Variants in ADAMTS6 observed in about 807,000 individuals in gnomAD.
ADAMTS6 encodes A disintegrin and metalloproteinase with thrombospondin motifs 6.
Under a neutral mutation model 144.3 loss-of-function variants are expected in ADAMTS6, and 23 were observed. The observed-to-expected ratio is 0.16, with a 90% confidence interval of 0.11 to 0.23. The LOEUF is 0.23. Among genes scored for constraint, ADAMTS6 ranks in the 10% least tolerant of loss-of-function variants. The pLI is 1.00. For synonymous variants in ADAMTS6, 444 were observed against 457.5 expected (o/e 0.97, Z 0.38); for missense variants, 999 against 1,379.6 (o/e 0.72, Z 4.37).
chr5:65,468,436 C>CAAAAAAAAAAAAAAAAAAAATAAA (rs60362335), intron 3 of ADAMTS6, among the ~76,000 whole-genome samples: 1 of 70,368 alleles, frequency 1.4e-5, no homozygotes, highest in African/African-American at 5.2e-5. Context: ...GACCCTGTCT[C>CAAAAAAAAAAAAAAAAAAAATAAA]AAAAAAAAAA....
intron 11 of ADAMTS6, among the ~76,000 whole-genome samples, chr5:65,287,379 T>A (rs1045015714): frequency 8.5e-5 from 13 of 152,186 alleles, no homozygotes; most frequent in African/African-American, 3.1e-4. Context: ...ATCTGCTACC[T>A]GTGTTTCATT....
intron 15 of ADAMTS6, among the ~76,000 whole-genome samples, chr5:65,234,331 C>A (rs1246198810): frequency 2.0e-5 from 3 of 148,858 alleles, no homozygotes; most frequent in African/African-American, 7.4e-5. Context: ...AAACAATCAA[C>A]AAAATGAAAA....
chr5:65,450,724 G>A (rs1371602085), intron 7 of ADAMTS6, among the ~76,000 whole-genome samples: 5 of 152,206 alleles, frequency 3.3e-5, no homozygotes, highest in Admixed American at 3.3e-4. Flanking sequence ...ACCAGAATCT[G>A]AGCCCTATTC....
chr5:65,245,873 T>C (rs1189758573), intron 14 of ADAMTS6, among the ~76,000 whole-genome samples: 1 of 152,088 alleles, frequency 6.6e-6, no homozygotes, highest in East Asian at 1.9e-4. Context: ...AGTTAACCAA[T>C]AAGATTTGGC....
chr5:65,187,897 T>G (rs1561261399), intron 22 of ADAMTS6, 119 bp downstream of exon 22: 1 of 1,014,562 alleles, frequency 9.9e-7, no homozygotes, highest in Non-Finnish European at 1.4e-6. Context: ...ACATGGTCAC[T>G]GTTACACAGC....
At chr5:65,395,306 C>A (rs111792241) in intron 7 of ADAMTS6, among the ~76,000 whole-genome samples, 3,022 of 152,272 alleles carry the variant, frequency 0.02, 91 homozygotes, top group African/African-American at 0.069. Context: ...ATCCCAAGGA[C>A]TAGTCTCAGG....
At chr5:65,157,506 AC>A (rs1295751744) in intron 24 of ADAMTS6, among the ~76,000 whole-genome samples, 1 of 152,162 alleles carries the variant, frequency 6.6e-6, no homozygotes, top group African/African-American at 2.4e-5. Context: ...ACCCTTCATG[AC>A]CAGGTTGGAC....
intron 7 of ADAMTS6, among the ~76,000 whole-genome samples, chr5:65,345,694 T>G (rs529147387): frequency 2.6e-5 from 4 of 151,958 alleles, no homozygotes; most frequent in African/African-American, 9.6e-5. Flanking sequence ...TACAATTTAT[T>G]AGACTGAACT....
At chr5:65,230,946 A>G (rs939960843) in intron 15 of ADAMTS6, among the ~76,000 whole-genome samples, 1 of 148,776 alleles carries the variant, frequency 6.7e-6, no homozygotes, top group Non-Finnish European at 1.5e-5. Context: ...TCAAATTACA[A>G]AGGAAGACAG....
chr5:65,201,115 G>T (rs1755709859), intron 20 of ADAMTS6, among the ~76,000 whole-genome samples: 1 of 152,138 alleles, frequency 6.6e-6, no homozygotes, highest in African/African-American at 2.4e-5. Flanking sequence ...TTTTTATACA[G>T]TATGTACCAA....
intron 22 of ADAMTS6, among the ~76,000 whole-genome samples, chr5:65,180,036 T>C (rs531831468): frequency 6.6e-6 from 1 of 152,162 alleles, no homozygotes; most frequent in African/African-American, 2.4e-5. Context: ...ATATATGCTC[T>C]TCTTTATCTG....
chr5:65,317,769 CA>C (rs1745154221), intron 9 of ADAMTS6, among the ~76,000 whole-genome samples: 1 of 152,060 alleles, frequency 6.6e-6, no homozygotes, highest in South Asian at 2.1e-4. Context: ...AGACATTTCT[CA>C]AAAGAAGATA....
chr5:65,261,226 A>C (rs989762469), intron 13 of ADAMTS6, among the ~76,000 whole-genome samples: 1 of 152,196 alleles, frequency 6.6e-6, no homozygotes, highest in African/African-American at 2.4e-5. Context: ...TCTAAAAATC[A>C]GATGGCTTTG....
intron 7 of ADAMTS6, among the ~76,000 whole-genome samples, chr5:65,384,781 A>G (rs913944578): frequency 9.2e-5 from 14 of 152,196 alleles, no homozygotes; most frequent in African/African-American, 3.4e-4. Context: ...GTTATACGGC[A>G]ACACCCCACT....
At chr5:65,261,043 T>C (rs1451392634) in intron 13 of ADAMTS6, among the ~76,000 whole-genome samples, 1 of 152,132 alleles carries the variant, frequency 6.6e-6, no homozygotes, top group Non-Finnish European at 1.5e-5. Context: ...ACAAAATCCA[T>C]AATCTGATGC....
intron 3 of ADAMTS6, among the ~76,000 whole-genome samples, chr5:65,469,860 T>A (rs767161593): frequency 2.6e-5 from 4 of 152,190 alleles, no homozygotes; most frequent in African/African-American, 4.8e-5. Flanking sequence ...CTGAAAATGT[T>A]CCTTGAGCAT....
In ADAMTS6 at chr5:65,236,004, T is replaced by C. The variant is rs1267716986; in HGVS notation, c.1933+6100A>G. On this transcript the variant is annotated intron_variant, in intron 15 of 24. Transcript: ENST00000381055. The stretch of plus-strand genomic sequence containing the variant: ...AGACACTTCTTCTTCTCCTATACTA[T>C]GGCAAAACAATCCCAAAGGTATATG... 4.6e-5 allele frequency among the ~76,000 whole-genome samples: 7 copies of C among 152,272 alleles called. No homozygotes were observed. In the South Asian group the frequency reaches 6.2e-4, roughly 14 times the overall value.
At chr5:65,410,600 T>G (rs1380360063) in intron 7 of ADAMTS6, among the ~76,000 whole-genome samples, 1 of 152,188 alleles carries the variant, frequency 6.6e-6, no homozygotes, top group Non-Finnish European at 1.5e-5. Flanking sequence ...TCATTAACTA[T>G]AGCCACCATG....
At position 65,471,011 on chromosome 5, in the gene ADAMTS6, C is replaced by G; in HGVS notation, c.229G>C (p.Asp77His). ...AACTTAGATACTGCCTGCTGTGGAT[C>G]AATAGGGTCCATACTCCGTCTTCTC... is the stretch of plus-strand genomic sequence containing the variant. ...SRRRRSMDPI[D>H]PQQAVSKLFF... The change falls in exon 3 of 25, where the codon GAT (aspartate) becomes CAT (histidine). Residue 77 changes from aspartate (D) to histidine (H), a missense_variant. Transcript: ENST00000381055. The G allele has an allele frequency of 6.2e-7, 1 of 1,612,876 alleles. No individual in the cohort carries two copies. Among genetic ancestry groups the G allele is most frequent in the South Asian group, 1.1e-5 (1 of 90,882 alleles).
Sources: gnomAD v4.1 joint callset for allele counts (sites outside exome capture counted in the v4.1 genomes callset) on GRCh38, gnomAD v4.1.1 for gene constraint, MANE v1.5 for transcripts, NCBI Gene and HGNC (gene_info 2026-07-23, HGNC 2026-07-21) for gene names.